The following SHISA6 variants were observed in gnomAD, a reference collection of about 807,000 sequenced individuals.
The protein encoded by SHISA6 is shisa family member 6, also known as protein shisa-6.
In SHISA6, 22 loss-of-function variants were observed where a neutral mutation model predicts 47.9. The observed-to-expected ratio is 0.46, with a 90% confidence interval of 0.33 to 0.66. The LOEUF (loss-of-function observed/expected upper bound fraction) is 0.66. Among genes scored for constraint, SHISA6 ranks in the 30% least tolerant of loss-of-function variants. The probability of loss-of-function intolerance (pLI) is 0.02; values close to 1 mark genes in which losing one functional copy is unlikely to be tolerated. For synonymous variants in SHISA6, 388 were observed against 337.8 expected, an observed-to-expected ratio of 1.15 and a Z score of -1.63; for missense variants, 680 against 764.6, an observed-to-expected ratio of 0.89 and a Z score of 1.30.
chr17:11,266,033 T>A (rs879188585), intron 2 of SHISA6, among the ~76,000 whole-genome samples: 1 of 152,166 alleles, frequency 6.6e-6, no homozygotes, highest in Non-Finnish European at 1.5e-5. Context: ...ATGCTTAAAT[T>A]TAAAAGCAAT....
At chr17:11,395,331 G>A (rs1374388426) in intron 3 of SHISA6, among the ~76,000 whole-genome samples, 1 of 151,928 alleles carries the variant, frequency 6.6e-6, no homozygotes, top group Non-Finnish European at 1.5e-5. Context: ...CATCATTGCT[G>A]TCTGTAAATG....
At chr17:11,246,901 G>A (rs558759557) in intron 1 of SHISA6, among the ~76,000 whole-genome samples, 1 of 152,148 alleles carries the variant, frequency 6.6e-6, no homozygotes, top group East Asian at 1.9e-4. Flanking sequence ...TCCCTACACT[G>A]TGCAATTCTC....
At chr17:11,412,468 A>G (rs1567599099) in intron 3 of SHISA6, among the ~76,000 whole-genome samples, 1 of 152,138 alleles carries the variant, frequency 6.6e-6, no homozygotes, top group African/African-American at 2.4e-5. Flanking sequence ...GTTAAAACCA[A>G]CCAAGATTCT....
intron 3 of SHISA6, among the ~76,000 whole-genome samples, chr17:11,422,202 C>T (rs1476251997): frequency 1.3e-5 from 2 of 152,180 alleles, no homozygotes; most frequent in East Asian, 1.9e-4. Flanking sequence ...CATTCCCCAT[C>T]GCTCCACCTG....
chr17:11,513,405 T>C (rs1263369428), intron 3 of SHISA6, among the ~76,000 whole-genome samples: 3 of 152,204 alleles, frequency 2.0e-5, no homozygotes, highest in Non-Finnish European at 4.4e-5. Flanking sequence ...ATTCATTCAA[T>C]AAATATTTAT....
chr17:11,479,315 A>G lies in SHISA6; in HGVS notation c.896-72581A>G, dbSNP rs1186954710. On this transcript the variant is annotated intron_variant, in intron 3 of 5. Transcript: ENST00000441885. ...ATGAGTTCATGTCCTTTGTTAGGAC[A>G]TGGATGAAGCTGGAAGTCATCATTC... Among the ~76,000 whole-genome samples, 6 of 152,328 alleles carry G rather than the reference A, an allele frequency of 3.9e-5. No homozygotes were observed. The South Asian group carries it at 1.2e-3, about 32-fold the overall frequency.
intron 3 of SHISA6, among the ~76,000 whole-genome samples, chr17:11,506,394 G>A (rs1356617839): frequency 2.6e-5 from 4 of 152,016 alleles, no homozygotes; most frequent in Admixed American, 6.6e-5. Context: ...AATGACCCTG[G>A]GTATCACACA....
At chr17:11,516,752 A>G (rs1247803926) in intron 3 of SHISA6, among the ~76,000 whole-genome samples, 1 of 152,186 alleles carries the variant, frequency 6.6e-6, no homozygotes, top group African/African-American at 2.4e-5. Flanking sequence ...AGATAGATAA[A>G]TGGTTAGAAA....
intron 2 of SHISA6, among the ~76,000 whole-genome samples, chr17:11,348,770 C>A (rs78286535): frequency 6.6e-6 from 1 of 152,080 alleles, no homozygotes; most frequent in Non-Finnish European, 1.5e-5. Flanking sequence ...CACTCGAGAT[C>A]CTAAGTAGTA....
At chr17:11,328,235 G>A (rs138849846) in intron 2 of SHISA6, among the ~76,000 whole-genome samples, 1 of 152,186 alleles carries the variant, frequency 6.6e-6, no homozygotes, top group Admixed American at 6.5e-5. Context: ...CAGGTTCTCA[G>A]CTCTGTGACC....
chr17:11,485,219 G>T (rs989543351), intron 3 of SHISA6, among the ~76,000 whole-genome samples: 1 of 151,982 alleles, frequency 6.6e-6, no homozygotes, highest in African/African-American at 2.4e-5. Flanking sequence ...AGAGAAGGAG[G>T]CCAGAGAAGG....
chr17:11,367,664 C>T (rs551529476), intron 2 of SHISA6, among the ~76,000 whole-genome samples: 68 of 152,242 alleles, frequency 4.5e-4, no homozygotes, highest in Non-Finnish European at 6.6e-4. Flanking sequence ...CCCACATCTA[C>T]TAGATGTAGC....
chr17:11,344,998 A>C (rs1475063264), intron 2 of SHISA6, among the ~76,000 whole-genome samples: 1 of 152,080 alleles, frequency 6.6e-6, no homozygotes, highest in African/African-American at 2.4e-5. Flanking sequence ...GAGCTCAACT[A>C]TTTAGCTCCC....
intron 3 of SHISA6, among the ~76,000 whole-genome samples, chr17:11,401,375 G>C (rs1263790972): frequency 1.3e-5 from 2 of 152,066 alleles, no homozygotes; most frequent in African/African-American, 4.8e-5. Flanking sequence ...TTTGTATTTT[G>C]TTTGGTAGAG....
intron 2 of SHISA6, among the ~76,000 whole-genome samples, chr17:11,310,105 G>GTTA (rs1910264002): frequency 6.6e-6 from 1 of 152,200 alleles, no homozygotes; most frequent in Non-Finnish European, 1.5e-5. Flanking sequence ...TTAGGCTGCA[G>GTTA]TTATACCACA....
intron 3 of SHISA6, among the ~76,000 whole-genome samples, chr17:11,441,373 A>G (rs145750621): frequency 5.9e-5 from 9 of 152,190 alleles, no homozygotes; most frequent in African/African-American, 2.2e-4. Context: ...CATCAGGAAC[A>G]TGAATCTACT....
intron 3 of SHISA6, among the ~76,000 whole-genome samples, chr17:11,476,496 C>T (rs1916054484): frequency 6.6e-6 from 1 of 151,930 alleles, no homozygotes; most frequent in Admixed American, 6.6e-5. Flanking sequence ...TCACATAGTT[C>T]AAAATATCTT....
At chr17:11,377,239 G>T (rs923671245) in intron 2 of SHISA6, among the ~76,000 whole-genome samples, 2 of 152,094 alleles carry the variant, frequency 1.3e-5, no homozygotes, top group Non-Finnish European at 2.9e-5. Context: ...AAGTGCTGGG[G>T]TTACAGGCAT....
intron 2 of SHISA6, among the ~76,000 whole-genome samples, chr17:11,281,597 A>G (rs1909121930): frequency 6.6e-6 from 1 of 152,190 alleles, no homozygotes; most frequent in South Asian, 2.1e-4. Flanking sequence ...CATAAAGCAT[A>G]TTGGTCCATA....
Sources: gnomAD v4.1 joint callset for allele counts (sites outside exome capture counted in the v4.1 genomes callset) on GRCh38, gnomAD v4.1.1 for gene constraint, MANE v1.5 for transcripts, NCBI Gene and HGNC (gene_info 2026-07-23, HGNC 2026-07-21) for gene names.